CYP2R1: variants seen among roughly 807,000 people sequenced by gnomAD.
CYP2R1 encodes vitamin D 25-hydroxylase.
A neutral mutation model predicts 45.7 loss-of-function variants in CYP2R1; 40 were observed. That is an observed-to-expected ratio of 0.87 (90% CI 0.68 to 1.14). The LOEUF (loss-of-function observed/expected upper bound fraction) is 1.14, where lower values mean the gene tolerates loss of function less well. Among genes scored for constraint, CYP2R1 ranks in the 50% most tolerant of loss-of-function variants. The pLI, the probability that CYP2R1 is intolerant of heterozygous loss-of-function variation, is 0.00. For synonymous variants in CYP2R1, 234 were observed against 219.3 expected (o/e 1.07, Z -0.59); for missense variants, 605 against 602.6 (o/e 1.00, Z -0.04).
chr11:14,892,374 T>C, upstream of CYP2R1: 1 of 660,852 alleles, frequency 1.5e-6, no homozygotes, highest in South Asian at 1.9e-5. Flanking sequence ...CCTTCTAGTT[T>C]TGCGCGGCTG....
chr11:14,887,496 C>G, intron 1 of CYP2R1: 1 of 739,974 alleles, frequency 1.4e-6, no homozygotes. Flanking sequence ...TATCCTTAAA[C>G]TGCTTTGATC....
intron 2 of CYP2R1, among the ~76,000 whole-genome samples, chr11:14,882,016 T>C (rs1412656753): frequency 6.6e-6 from 1 of 152,152 alleles, no homozygotes; most frequent in Non-Finnish European, 1.5e-5. Flanking sequence ...TTTTTGAATG[T>C]AGAACTTATT....
At chr11:14,890,510 T>C in intron 1 of CYP2R1, 3 of 796,442 alleles carry the variant, frequency 3.8e-6, no homozygotes, top group Non-Finnish European at 4.6e-6. Context: ...CATTAGTGAC[T>C]TTCTATTCTA....
intron 2 of CYP2R1, among the ~76,000 whole-genome samples, chr11:14,884,861 C>A (rs1442344590): frequency 6.6e-6 from 1 of 151,878 alleles, no homozygotes; most frequent in Non-Finnish European, 1.5e-5. Context: ...CTTTCATTTT[C>A]ATCATCTTTT....
chr11:14,886,134 C>T (rs1555014619), intron 1 of CYP2R1: 5 of 561,094 alleles, frequency 8.9e-6, no homozygotes, highest in Admixed American at 2.9e-5. Context: ...CCTAAAGTCA[C>T]AGTCTTACCA....
Position 14,880,286 on chromosome 11 carries a change from T to C in CYP2R1, c.850A>G (p.Met284Val), listed in dbSNP as rs781827684. 6.6e-5 allele frequency: 107 copies of C among 1,613,258 alleles called. No individual in the cohort carries two copies. In the South Asian group the frequency reaches 1.1e-3, roughly 17 times the overall value. Reference protein sequence around the residue: ...QHFVDAYLDEMDQGKNDPSST... With the variant: ...QHFVDAYLDEVDQGKNDPSST... ...GATGGGTCATTTTTACCTTGATCCATCTCATCTAAATAAGCATCAACAAAA... is the reference window on the plus strand; with the variant it reads ...GATGGGTCATTTTTACCTTGATCCACCTCATCTAAATAAGCATCAACAAAA... Residue 284 changes from methionine (M) to valine (V), a missense_variant, in exon 3 of 5, where the codon ATG (methionine) becomes GTG (valine). Met to Val is a conservative substitution (Grantham distance 21). Coordinates refer to ENST00000334636, the MANE Select transcript of CYP2R1 (RefSeq NM_024514.5).
Position 14,892,200 on chromosome 11 carries a change from C to T in CYP2R1, c.6G>A (p.Trp2Ter). M[W>*]KLWRAEEGAA... is the part of the protein sequence containing the mutation. ...CGCCCTCTTCAGCTCTCCAAAGCTT[C>T]CACATCGGCCCGAGCTGGAGGTGCG... Residue 2 changes from tryptophan to a stop codon, truncating the protein, a stop_gained, in exon 1 of 5, where the codon TGG (tryptophan) becomes TGA (stop). Coordinates refer to ENST00000334636, the MANE Select transcript of CYP2R1 (RefSeq NM_024514.5). LOFTEE classifies it high-confidence loss of function. 1 of 1,609,766 alleles carries T rather than the reference C, an allele frequency of 6.2e-7. No homozygotes were observed. Among genetic ancestry groups the T allele is most frequent in the Non-Finnish European group, 8.5e-7 (1 of 1,179,706 alleles).
In CYP2R1 at chr11:14,877,597, T is replaced by G. The variant is rs1848207533; in HGVS notation, c.*525A>C. 1 of 152,536 alleles carries G rather than the reference T, an allele frequency of 6.6e-6. No individual in the cohort carries two copies. The highest frequency in any genetic ancestry group is 2.4e-5 in the African/African-American group (1 of 41,458). 9.4% of individuals were successfully genotyped at this position (152,536 alleles called of 1,614,324 possible). A position where few individuals can be genotyped will look rare whatever the true frequency, so the allele number is the denominator to read the frequency against. On this transcript the variant is annotated 3_prime_UTR_variant, in exon 5 of 5. Coordinates refer to ENST00000334636, the MANE Select transcript of CYP2R1 (RefSeq NM_024514.5). ...AAGATATGAAAGCACTGGCAGGCTC[T>G]ACATTAAATACATATTTCTTCTACC...
intron 1 of CYP2R1, chr11:14,887,753 T>C (rs1848675340): frequency 2.5e-6 from 1 of 407,336 alleles, no homozygotes; most frequent in Non-Finnish European, 3.3e-6. Context: ...GGCCCAGGAC[T>C]TTGCAGTCAC....
At chr11:14,891,710 A>G in intron 1 of CYP2R1, 2 of 1,243,480 alleles carry the variant, frequency 1.6e-6, no homozygotes, top group Non-Finnish European at 2.0e-6. Flanking sequence ...CAAGAGCTCG[A>G]GCGGTAGCGG....
chr11:14,880,573 G>A lies in CYP2R1; in HGVS notation c.563C>T (p.Ser188Leu). The A allele has an allele frequency of 1.2e-6, 2 of 1,613,312 alleles. No individual in the cohort carries two copies. The highest frequency in any genetic ancestry group is 2.2e-5 in the South Asian group (2 of 91,052). ...AAAAATGATCAGATTGGTTATGTTT[G>A]AAACAGCATTCGTTATTAACTGTTT... ...DFKQLITNAV[S>L]NITNLIIFGE... Residue 188 changes from serine to leucine, a missense_variant, in exon 3 of 5, where the codon TCA becomes TTA. Coordinates refer to ENST00000334636, the MANE Select transcript of CYP2R1 (RefSeq NM_024514.5).
At position 14,885,820 on chromosome 11, in the gene CYP2R1, T is replaced by C. The variant is rs61744566; in HGVS notation, c.323A>G (p.Asp108Gly). Residue 108 changes from aspartate (D) to glycine (G), a missense_variant, in exon 2 of 5, where the codon GAC becomes GGC. Asp to Gly is a moderately conservative substitution (Grantham distance 94). Transcript: ENST00000334636. Reference sequence around the variant, plus strand: ...CATGAATAAAGGAAGGCATGGTCTGTCTGCAAAAATTTCGCTTTGATGAAC... The same window carrying C: ...CATGAATAAAGGAAGGCATGGTCTGCCTGCAAAAATTTCGCTTTGATGAAC... Reference protein sequence around the residue: ...CLVHQSEIFADRPCLPLFMKM... With the variant: ...CLVHQSEIFAGRPCLPLFMKM... 2.5e-6 allele frequency: 4 copies of C among 1,613,348 alleles called. No homozygotes were observed. In the African/African-American group the frequency reaches 4.0e-5, roughly 16 times the overall value.
At chr11:14,892,371 G>C (rs1223037906), upstream of CYP2R1, 3 of 663,986 alleles carry the variant, frequency 4.5e-6, no homozygotes, top group Non-Finnish European at 7.7e-6. Flanking sequence ...CTACCTTCTA[G>C]TTTTGCGCGG....
At position 14,885,977 on chromosome 11, in the gene CYP2R1, T is replaced by C. The variant is rs1555014456; in HGVS notation, c.226-60A>G. 4.5e-6 allele frequency: 7 copies of C among 1,544,540 alleles called. No homozygotes were observed. The South Asian group carries it at 7.8e-5, about 17-fold the overall frequency. On this transcript the variant is annotated intron_variant, in intron 1 of 4. Transcript: ENST00000334636. Reference sequence around the variant, plus strand: ...CAGCATGTATGGAGAAATATAACCATGGAAATCTACAAGTGGTAAGTGCGG... The same window carrying C: ...CAGCATGTATGGAGAAATATAACCACGGAAATCTACAAGTGGTAAGTGCGG...
intron 1 of CYP2R1, among the ~76,000 whole-genome samples, chr11:14,889,618 G>A (rs1848753135): frequency 6.6e-6 from 1 of 152,082 alleles, no homozygotes; most frequent in Admixed American, 6.6e-5. Context: ...AAGAACCATG[G>A]TTCCCTCAAA....
chr11:14,881,434 A>T (rs1848382850), intron 2 of CYP2R1, among the ~76,000 whole-genome samples: 1 of 152,092 alleles, frequency 6.6e-6, no homozygotes, highest in Admixed American at 6.6e-5. Flanking sequence ...TTTCTCCCTT[A>T]AATTAATTCA....
chr11:14,880,431 A>G lies in CYP2R1; in HGVS notation c.705T>C (p.Ile235=), dbSNP rs1665437839. 1.2e-6 allele frequency: 2 copies of G among 1,613,444 alleles called. No homozygotes were observed. The highest frequency in any genetic ancestry group is 2.7e-5 in the African/African-American group (2 of 75,000). Residue 235 remains isoleucine, a synonymous_variant, in exon 3 of 5, where the codon ATT becomes ATC. Coordinates refer to ENST00000334636, the MANE Select transcript of CYP2R1 (RefSeq NM_024514.5). ...SVFLYNAFPW[I]GILPFGKHQQ... is the part of the protein sequence containing the mutation. ...GATGTTTTCCAAAAGGCAGGATGCC[A>G]ATCCATGGAAAGGCATTATACAAGA...
At chr11:14,886,213 TAA>T in intron 1 of CYP2R1, 1 of 375,856 alleles carries the variant, frequency 2.7e-6, no homozygotes, top group East Asian at 5.4e-5. Context: ...ATTAAACAGA[TAA>T]AAGACTCTGA....
intron 2 of CYP2R1, among the ~76,000 whole-genome samples, chr11:14,881,541 A>C (rs1235386469): frequency 6.6e-6 from 1 of 152,104 alleles, no homozygotes; most frequent in East Asian, 1.9e-4. Flanking sequence ...TCACATTGAT[A>C]AGTGATTCCC....
Sources: gnomAD v4.1 joint callset for allele counts (sites outside exome capture counted in the v4.1 genomes callset) on GRCh38, gnomAD v4.1.1 for gene constraint, MANE v1.5 for transcripts, NCBI Gene and HGNC (gene_info 2026-07-23, HGNC 2026-07-21) for gene names.